The following GYS1 variants were observed in gnomAD, a reference collection of about 807,000 sequenced individuals.
The protein encoded by GYS1 is glycogen [starch] synthase, muscle.
In GYS1, 60 loss-of-function variants were observed where a neutral mutation model predicts 89.1. The ratio of observed to expected loss-of-function variants is 0.67; its 90% CI spans 0.55 to 0.84. The LOEUF is 0.84. Among genes scored for constraint, GYS1 ranks in the 40% least tolerant of loss-of-function variants. The probability of loss-of-function intolerance (pLI) is 0.00; values close to 1 mark genes in which losing one functional copy is unlikely to be tolerated. For missense variants in GYS1, 888 were observed against 1,003.1 expected (o/e 0.89, Z 1.55); for synonymous variants, 366 against 401.7 (o/e 0.91, Z 1.06).
intron 3 of GYS1, 40 bp downstream of exon 3, chr19:48,987,154 T>C (rs776038291): frequency 1.1e-5 from 15 of 1,415,780 alleles, no homozygotes; most frequent in Admixed American, 5.2e-5. Flanking sequence ...ATGGTCATTG[T>C]AGTTTCAGGT....
chr19:48,977,402 G>A (rs150592322), intron 10 of GYS1, among the ~76,000 whole-genome samples: 2 of 152,278 alleles, frequency 1.3e-5, no homozygotes, highest in African/African-American at 4.8e-5. Context: ...AGACTGGCCT[G>A]GCCAACATGG....
chr19:48,983,568 C>A (rs895704518), intron 5 of GYS1, among the ~76,000 whole-genome samples: 3 of 152,174 alleles, frequency 2.0e-5, no homozygotes, highest in Non-Finnish European at 2.9e-5. Context: ...TTCTTCTCCT[C>A]ATAGAAATTA....
intron 11 of GYS1, 79 bp from the exon 12 acceptor site, chr19:48,974,418 T>C (rs1408634235): frequency 4.0e-6 from 6 of 1,503,890 alleles, no homozygotes; most frequent in Non-Finnish European, 2.8e-6. Flanking sequence ...CCAGAGAGGG[T>C]AAAAAGCTTG....
chr19:48,983,006 A>G (rs1282382651), intron 5 of GYS1, among the ~76,000 whole-genome samples, 169 bp from the exon 6 acceptor site: 1 of 152,030 alleles, frequency 6.6e-6, no homozygotes, highest in Non-Finnish European at 1.5e-5. Flanking sequence ...TTGTTTTTGG[A>G]GACAGGGTTT....
chr19:48,987,224 A>G lies in GYS1; in HGVS notation c.462T>C (p.Phe154=). ...YDREANDAVL[F]GFLTTWFLGE... ...CCAGGAACCAGGTGGTCAGAAAGCCAAAGAGGACAGCGTCGTTGGCCTCGC... is the reference window on the plus strand; with the variant it reads ...CCAGGAACCAGGTGGTCAGAAAGCCGAAGAGGACAGCGTCGTTGGCCTCGC... The change falls in exon 3 of 16, where the codon TTT becomes TTC. Residue 154 remains phenylalanine, a synonymous_variant. Coordinates refer to ENST00000323798, the MANE Select transcript of GYS1 (RefSeq NM_002103.5). 1 of 1,613,660 alleles carries G rather than the reference A, an allele frequency of 6.2e-7. No individual in the cohort carries two copies. Among genetic ancestry groups the G allele is most frequent in the Non-Finnish European group, 8.5e-7 (1 of 1,179,718 alleles).
intron 4 of GYS1, 89 bp downstream of exon 4, chr19:48,985,761 A>G: frequency 6.5e-7 from 1 of 1,531,430 alleles, no homozygotes; most frequent in Non-Finnish European, 9.0e-7. Context: ...ATCCTGGGAG[A>G]AGAGGGGGTG....
intron 2 of GYS1, among the ~76,000 whole-genome samples, chr19:48,988,536 C>T (rs532958736): frequency 3.9e-5 from 6 of 152,216 alleles, no homozygotes; most frequent in Admixed American, 6.5e-5. Flanking sequence ...CCAGGCTGAT[C>T]GTGAACTCCT....
chr19:48,984,325 C>T (rs182497768), intron 5 of GYS1, among the ~76,000 whole-genome samples: 2 of 151,420 alleles, frequency 1.3e-5, no homozygotes, highest in Admixed American at 6.6e-5. Flanking sequence ...ATTTTTCAAC[C>T]TTATGATGGT....
chr19:48,984,464 C>T (rs1482441831), intron 5 of GYS1, among the ~76,000 whole-genome samples: 13 of 146,118 alleles, frequency 8.9e-5, no homozygotes, highest in South Asian at 6.6e-4. Context: ...GGTGTGATCT[C>T]GGCCCACTGC....
In GYS1 at chr19:48,987,341, C is replaced by A; in HGVS notation, c.345G>T (p.Val115=). The A allele has an allele frequency of 6.2e-7, 1 of 1,611,812 alleles. No individual in the cohort carries two copies. Among genetic ancestry groups the A allele is most frequent in the Non-Finnish European group, 8.5e-7 (1 of 1,179,030 alleles). ...AAGCTGAGGCACCCACGTCCAGGAG[C>A]ACCACCAGAGGGCCTCCCTCGATCA... ...RWLIEGGPLV[V]LLDVGASAWA... is the part of the protein sequence containing the mutation. The change falls in exon 3 of 16, where the codon GTG becomes GTT. Residue 115 remains valine (V), a synonymous_variant. Coordinates refer to ENST00000323798, the MANE Select transcript of GYS1 (RefSeq NM_002103.5).
intron 14 of GYS1, among the ~76,000 whole-genome samples, 177 bp from the exon 15 acceptor site, chr19:48,970,032 G>C (rs2038533073): frequency 6.6e-6 from 1 of 152,202 alleles, no homozygotes; most frequent in Non-Finnish European, 1.5e-5. Flanking sequence ...TGAATGGACA[G>C]TTTCTGAGCC....
intron 2 of GYS1, among the ~76,000 whole-genome samples, chr19:48,988,493 A>AT (rs1401199811): frequency 6.6e-6 from 1 of 151,692 alleles, no homozygotes; most frequent in Non-Finnish European, 1.5e-5. Context: ...TGATTTTTTA[A>AT]TTTTTTGTGG....
At position 48,991,385 on chromosome 19, in the gene GYS1, C is replaced by T. The variant is rs370035815; in HGVS notation, c.217G>A (p.Val73Met). 1.2e-5 allele frequency: 19 copies of T among 1,614,030 alleles called. No homozygotes were observed. Among genetic ancestry groups the T allele is most frequent in the East Asian group, 1.1e-4 (5 of 44,898 alleles). Residue 73 changes from valine (V) to methionine (M), a missense_variant, in exon 2 of 16, where the codon GTG (valine) becomes ATG (methionine). Physicochemically the swap from Val to Met is conservative, Grantham distance 21 (BLOSUM62 1). Transcript: ENST00000323798. This position sits in a 1 kb window ranked among gnomAD's most constrained non-coding sequence, Gnocchi z 4.7. Reference sequence around the variant, plus strand: ...TCCAGCAGTTCCACCTGGGTCCTCACGCCCTGCTCCGTGTACGGCCCCACC... The same window carrying T: ...TCCAGCAGTTCCACCTGGGTCCTCATGCCCTGCTCCGTGTACGGCCCCACC... ...FLVGPYTEQG[V>M]RTQVELLEAP...
intron 12 of GYS1, among the ~76,000 whole-genome samples, chr19:48,971,898 A>G (rs983246736): frequency 7.0e-6 from 1 of 143,568 alleles, no homozygotes; most frequent in African/African-American, 2.6e-5. Flanking sequence ...GTCTCACTTT[A>G]TCACCCAACC....
Position 48,986,051 on chromosome 19 carries a change from A to G in GYS1, c.493-16T>C. 1.9e-6 allele frequency: 3 copies of G among 1,612,484 alleles called. No individual in the cohort carries two copies. In the Admixed American group the frequency reaches 5.0e-5, roughly 27 times the overall value. ...GTGCCAGGAACTGTGGGCAACAGGG[A>G]CAGGGCCACTGTCTCCACGAGTGTT... On this transcript the variant is annotated splice_polypyrimidine_tract_variant and intron_variant, in intron 3 of 15. Coordinates refer to ENST00000323798, the MANE Select transcript of GYS1 (RefSeq NM_002103.5).
chr19:48,984,663 G>A (rs999620929), intron 5 of GYS1, among the ~76,000 whole-genome samples: 2 of 152,036 alleles, frequency 1.3e-5, no homozygotes, highest in Non-Finnish European at 2.9e-5. Context: ...CAAAGTGTTG[G>A]GATTACAGGT....
At position 48,991,420 on chromosome 19, in the gene GYS1, T is replaced by C. The variant is rs757853500; in HGVS notation, c.182A>G (p.Asn61Ser). ...CGTGTACGGCCCCACCAGGAAGTAG[T>C]TGTCGCCCCATTCGTCCCCTGTCAC... ...AKVTGDEWGD[N>S]YFLVGPYTEQ... The change falls in exon 2 of 16, where the codon AAC (asparagine) becomes AGC (serine). Residue 61 changes from asparagine to serine, a missense_variant. By Grantham distance (46) the Asn-to-Ser change is conservative (BLOSUM62 1). Coordinates refer to ENST00000323798, the MANE Select transcript of GYS1 (RefSeq NM_002103.5). This position sits in a 1 kb window ranked among gnomAD's most constrained non-coding sequence, Gnocchi z 4.7. The C allele has an allele frequency of 2.5e-6, 4 of 1,614,144 alleles. No individual in the cohort carries two copies. In the South Asian group the frequency reaches 3.3e-5, roughly 13 times the overall value.
intron 12 of GYS1, among the ~76,000 whole-genome samples, chr19:48,973,099 G>A (rs894244177): frequency 6.6e-6 from 1 of 152,172 alleles, no homozygotes; most frequent in African/African-American, 2.4e-5. Flanking sequence ...GATTACGGGG[G>A]TGGTTCCCCC....
rs2038616950 is a variant in GYS1, at chr19:48,974,668, G to T, written c.1374C>A (p.Thr458=). The change falls in exon 11 of 16, where the codon ACC becomes ACA. Residue 458 remains threonine, a synonymous_variant. Transcript: ENST00000323798. ...TGAAGAGGCCGATTCGGCGGATGGT[G>T]GTCAGGATGGGGTCTGAGGAGTCAT... The part of the protein sequence containing the change: ...MLDDSSDPIL[T]TIRRIGLFNS... The T allele has an allele frequency of 3.1e-6, 5 of 1,614,032 alleles. No homozygotes were observed. The East Asian group carries it at 1.1e-4, about 36-fold the overall frequency.
Sources: gnomAD v4.1 joint callset for allele counts (sites outside exome capture counted in the v4.1 genomes callset) on GRCh38, gnomAD v4.1.1 for gene constraint, Gnocchi (gnomAD v3.1) non-coding constraint, MANE v1.5 for transcripts, NCBI Gene and HGNC (gene_info 2026-07-23, HGNC 2026-07-21) for gene names.